PRKCE: variants seen among roughly 807,000 people sequenced by gnomAD.
The protein encoded by PRKCE is protein kinase C epsilon, also known as protein kinase C epsilon type.
Under a neutral mutation model 85.4 loss-of-function variants are expected in PRKCE, and 16 were observed. The ratio of observed to expected loss-of-function variants is 0.19; its 90% confidence interval spans 0.13 to 0.28. The LOEUF (loss-of-function observed/expected upper bound fraction) is 0.28. PRKCE is among the 10% of genes least tolerant of loss of function. The pLI is 1.00. For missense variants in PRKCE, 573 were observed against 975.2 expected, an observed-to-expected ratio of 0.59 and a Z score of 5.49; for synonymous variants, 388 against 371.5, an observed-to-expected ratio of 1.04 and a Z score of -0.51.
At chr2:46,166,822 C>G (rs1678388243) in intron 14 of PRKCE, 2 of 152,162 alleles carry the variant, frequency 1.3e-5, no homozygotes, top group Admixed American at 6.5e-5. Flanking sequence ...AAAACCCTGT[C>G]TCTACAAAAA....
At chr2:45,826,808 G>A (rs1017905243) in intron 1 of PRKCE, among the ~76,000 whole-genome samples, 5 of 152,104 alleles carry the variant, frequency 3.3e-5, no homozygotes, top group Non-Finnish European at 5.9e-5. Flanking sequence ...CACACACTAC[G>A]TGCAATCCCG....
chr2:46,138,619 A>T lies in PRKCE; in HGVS notation c.1593-6474A>T, dbSNP rs1021174932. ...CGGGCCAGGCCGTGTTAGAGCCCTGATCACTGCTTAAGACTCAGATTAGAG... is the reference window on the plus strand; with the variant it reads ...CGGGCCAGGCCGTGTTAGAGCCCTGTTCACTGCTTAAGACTCAGATTAGAG... On this transcript the variant is annotated intron_variant, in intron 11 of 14. Transcript: ENST00000306156. This position sits in a 1 kb window ranked among gnomAD's most constrained non-coding sequence, Gnocchi z 4.2. Among the ~76,000 whole-genome samples the T allele has an allele frequency of 1.3e-5, 2 of 152,162 alleles. No individual in the cohort carries two copies. Among genetic ancestry groups the T allele is most frequent in the African/African-American group, 4.8e-5 (2 of 41,430 alleles).
chr2:45,903,661 C>A (rs1036715635), intron 2 of PRKCE, among the ~76,000 whole-genome samples: 1 of 152,128 alleles, frequency 6.6e-6, no homozygotes, highest in Non-Finnish European at 1.5e-5. Flanking sequence ...TGTCTGGTAA[C>A]CCCATGTAAG....
At chr2:46,010,571 A>T (rs1705578814) in intron 10 of PRKCE, 54 bp downstream of exon 10, 3 of 1,597,892 alleles carry the variant, frequency 1.9e-6, no homozygotes, top group Admixed American at 1.7e-5. Flanking sequence ...TGACTATCAG[A>T]TAAAATACCA....
At position 45,652,749 on chromosome 2, in the gene PRKCE, C is replaced by T. The variant is rs999710894; in HGVS notation, c.348+301C>T. Among the ~76,000 whole-genome samples the T allele has an allele frequency of 3.9e-5, 6 of 152,152 alleles. No homozygotes were observed. The highest frequency in any genetic ancestry group is 5.9e-5 in the Non-Finnish European group (4 of 68,026). ...CTGGGCCACTGGTGCTGAAGGTTGGCCGAGGACCCGGCTTTCTTCCGCAGG... is the reference window on the plus strand; with the variant it reads ...CTGGGCCACTGGTGCTGAAGGTTGGTCGAGGACCCGGCTTTCTTCCGCAGG... On this transcript the variant is annotated intron_variant, in intron 1 of 14. Coordinates refer to ENST00000306156, the MANE Select transcript of PRKCE (RefSeq NM_005400.3). This position sits in a 1 kb window ranked among gnomAD's most constrained non-coding sequence, Gnocchi z 7.7.
At chr2:45,675,924 C>G (rs996890014) in intron 1 of PRKCE, among the ~76,000 whole-genome samples, 7 of 152,108 alleles carry the variant, frequency 4.6e-5, no homozygotes, top group African/African-American at 1.7e-4. Context: ...CAGCATTTTA[C>G]TCCCCTTTTT....
intron 1 of PRKCE, among the ~76,000 whole-genome samples, chr2:45,804,841 C>A (rs1688123177): frequency 6.6e-6 from 1 of 152,110 alleles, no homozygotes; most frequent in Non-Finnish European, 1.5e-5. Flanking sequence ...GGAAGGCCAA[C>A]CAGGAATCAA....
At chr2:45,814,433 ACCTC>A (rs1486566138) in intron 1 of PRKCE, among the ~76,000 whole-genome samples, 4 of 152,156 alleles carry the variant, frequency 2.6e-5, no homozygotes, top group Non-Finnish European at 4.4e-5. Context: ...TCAGAGCCTT[ACCTC>A]TGTCCTGATC....
chr2:45,785,152 T>C (rs1445804483), intron 1 of PRKCE, among the ~76,000 whole-genome samples: 1 of 152,210 alleles, frequency 6.6e-6, no homozygotes, highest in Non-Finnish European at 1.5e-5. Context: ...AATCTAATTT[T>C]CTTAAGTTGT....
At chr2:45,749,169 C>T (rs564432451) in intron 1 of PRKCE, among the ~76,000 whole-genome samples, 10 of 152,320 alleles carry the variant, frequency 6.6e-5, no homozygotes, top group East Asian at 1.9e-4. Context: ...GGATTACAAG[C>T]GTGAGCTGAG....
chr2:45,854,178 C>T (rs1156425906), intron 2 of PRKCE, among the ~76,000 whole-genome samples: 4 of 152,198 alleles, frequency 2.6e-5, no homozygotes, highest in Non-Finnish European at 5.9e-5. Context: ...AGACCTGGCC[C>T]GGTGCAGTGT....
chr2:46,067,742 C>T (rs1667741830), intron 10 of PRKCE, among the ~76,000 whole-genome samples: 1 of 152,120 alleles, frequency 6.6e-6, no homozygotes, highest in African/African-American at 2.4e-5. Context: ...TAAAGCAGAG[C>T]CTGGGGGTCT....
chr2:46,000,127 A>T (rs1423950952), intron 6 of PRKCE, among the ~76,000 whole-genome samples: 1 of 151,398 alleles, frequency 6.6e-6, no homozygotes, highest in Admixed American at 6.6e-5. Context: ...TGTCACTTCA[A>T]ACTGGTTTTT....
At chr2:46,106,081 C>T (rs578153351) in intron 11 of PRKCE, among the ~76,000 whole-genome samples, 1 of 152,042 alleles carries the variant, frequency 6.6e-6, no homozygotes, top group Non-Finnish European at 1.5e-5. Context: ...TGTGGTTTGT[C>T]TGCAAGTTTT....
intron 1 of PRKCE, among the ~76,000 whole-genome samples, chr2:45,679,984 G>A (rs1446330835): frequency 2.0e-5 from 3 of 152,214 alleles, no homozygotes; most frequent in African/African-American, 7.2e-5. Context: ...TCTGGGAAGA[G>A]ATTTAGCACA....
Position 46,004,529 on chromosome 2 carries a change from C to A in PRKCE, c.967-13C>A, listed in dbSNP as rs946831727. Reference sequence around the variant, plus strand: ...CTTCTGATGCCTCTGTCCCTGCTTTCTCTCCTCTCTAGCTCATTGCTGGTG... The same window carrying A: ...CTTCTGATGCCTCTGTCCCTGCTTTATCTCCTCTCTAGCTCATTGCTGGTG... On this transcript the variant is annotated splice_polypyrimidine_tract_variant and intron_variant, in intron 7 of 14. Transcript: ENST00000306156. This position sits in a 1 kb window ranked among gnomAD's most constrained non-coding sequence, Gnocchi z 4.1. The A allele has an allele frequency of 6.4e-7, 1 of 1,566,508 alleles. No individual in the cohort carries two copies. The highest frequency in any genetic ancestry group is 2.3e-5 in the East Asian group (1 of 43,720).
intron 1 of PRKCE, among the ~76,000 whole-genome samples, chr2:45,836,885 C>A (rs1315586002): frequency 6.6e-6 from 1 of 152,200 alleles, no homozygotes; most frequent in East Asian, 1.9e-4. Flanking sequence ...TGCCCTTTTG[C>A]CTCTCTCCAC....
At chr2:45,860,590 C>T (rs949047123) in intron 2 of PRKCE, among the ~76,000 whole-genome samples, 12 of 152,152 alleles carry the variant, frequency 7.9e-5, no homozygotes, top group Admixed American at 2.0e-4. Flanking sequence ...GGAACAAGAG[C>T]TGGTAGTCTG....
intron 2 of PRKCE, among the ~76,000 whole-genome samples, chr2:45,911,746 C>T (rs927764105): frequency 2.0e-5 from 3 of 152,160 alleles, no homozygotes; most frequent in Admixed American, 2.0e-4. Flanking sequence ...TGAGCTGGGC[C>T]TGCATTTAGT....
Sources: allele counts gnomAD v4.1 joint callset (sites outside exome capture counted in the v4.1 genomes callset), GRCh38; gene constraint gnomAD v4.1.1; non-coding constraint Gnocchi (gnomAD v3.1); transcripts MANE v1.5; gene names NCBI Gene and HGNC (gene_info 2026-07-23, HGNC 2026-07-21).